ARHGAP42: variants seen among roughly 807,000 people sequenced by gnomAD.
The protein encoded by ARHGAP42 is Rho GTPase activating protein 42.
A neutral mutation model predicts 125.0 loss-of-function variants in ARHGAP42; 63 were observed. The observed-to-expected ratio is 0.50, with a 90% CI of 0.41 to 0.62. The LOEUF (loss-of-function observed/expected upper bound fraction) is 0.62, where lower values mean the gene tolerates loss of function less well. Among genes scored for constraint, ARHGAP42 ranks in the 20% least tolerant of loss-of-function variants. The probability of loss-of-function intolerance (pLI) is 0.00; values close to 1 mark genes in which losing one functional copy is unlikely to be tolerated. For missense variants in ARHGAP42, 766 were observed against 1,024.2 expected, an observed-to-expected ratio of 0.75 and a Z score of 3.44; for synonymous variants, 339 against 351.0, an observed-to-expected ratio of 0.97 and a Z score of 0.38.
At chr11:100,882,499 A>ATT (rs34517485) in intron 4 of ARHGAP42, among the ~76,000 whole-genome samples, 256 of 141,720 alleles carry the variant, frequency 1.8e-3, no homozygotes, top group African/African-American at 6.2e-3. Context: ...GTTAGCCAGT[A>ATT]TTTTTTTTTT....
chr11:100,873,467 G>A (rs7939833), intron 4 of ARHGAP42, among the ~76,000 whole-genome samples: 16,044 of 152,032 alleles, frequency 0.11, 868 homozygotes, highest in African/African-American at 0.12. Context: ...TATAACCCAC[G>A]GTATGAGTAA....
At chr11:100,878,602 A>AAT (rs1259320616) in intron 4 of ARHGAP42, among the ~76,000 whole-genome samples, 1 of 152,184 alleles carries the variant, frequency 6.6e-6, no homozygotes, top group African/African-American at 2.4e-5. Flanking sequence ...CTTAAACTAA[A>AAT]ATACCACATT....
intron 11 of ARHGAP42, 84 bp from the exon 12 acceptor site, chr11:100,949,833 T>C: frequency 2.4e-6 from 2 of 838,524 alleles, no homozygotes; most frequent in Non-Finnish European, 3.5e-6. Context: ...TCTTTTCATC[T>C]ATTAGTGTAC....
At chr11:100,955,392 G>A (rs1361682364) in intron 12 of ARHGAP42, among the ~76,000 whole-genome samples, 1 of 152,030 alleles carries the variant, frequency 6.6e-6, no homozygotes, top group Non-Finnish European at 1.5e-5. Context: ...GTTGTATTCT[G>A]GGTATCCCTC....
chr11:100,824,122 T>G (rs866095708), intron 3 of ARHGAP42, among the ~76,000 whole-genome samples: 23 of 152,288 alleles, frequency 1.5e-4, no homozygotes, highest in South Asian at 1.0e-3. Context: ...TATATCTGAA[T>G]GCACTTGCAT....
chr11:100,708,926 A>G (rs946913702), intron 1 of ARHGAP42, among the ~76,000 whole-genome samples: 6 of 152,226 alleles, frequency 3.9e-5, no homozygotes, highest in African/African-American at 1.4e-4. Flanking sequence ...TAGAACAGTT[A>G]TAACAATGTA....
Position 100,949,902 on chromosome 11 carries a change from TCC to T in ARHGAP42, c.1123-14_1123-13del. 6.9e-7 allele frequency: 1 copy of T among 1,447,668 alleles called. No homozygotes were observed. Among genetic ancestry groups the T allele is most frequent in the Non-Finnish European group, 9.4e-7 (1 of 1,068,638 alleles). The allele number at this position is 1,447,668 out of a possible 1,614,324, so 89.7% of individuals were successfully genotyped here. On this transcript the variant is annotated splice_polypyrimidine_tract_variant and intron_variant, in intron 11 of 23. Coordinates refer to ENST00000298815, the MANE Select transcript of ARHGAP42 (RefSeq NM_152432.4). Reference sequence around the variant, plus strand: ...ATTAACTGGAAGTAACTAATGGACATCCTTTGTTTTTTAGATTTATACTCTGC... The same window carrying T: ...ATTAACTGGAAGTAACTAATGGACATTTTGTTTTTTAGATTTATACTCTGC...
chr11:100,724,447 T>G (rs906865106), intron 1 of ARHGAP42, among the ~76,000 whole-genome samples: 2 of 152,150 alleles, frequency 1.3e-5, no homozygotes, highest in Non-Finnish European at 2.9e-5. Context: ...TGTATGCACC[T>G]AGTGCTTTCT....
Position 100,990,137 on chromosome 11 carries a change from A to G in ARHGAP42, c.*1336A>G, listed in dbSNP as rs1858794663. The G allele has an allele frequency of 6.6e-6, 1 of 152,160 alleles. No individual in the cohort carries two copies. The highest frequency in any genetic ancestry group is 1.5e-5 in the Non-Finnish European group (1 of 68,040). 9.4% of individuals were successfully genotyped at this position (152,160 alleles called of 1,614,324 possible). A position where few individuals can be genotyped will look rare whatever the true frequency, so the allele number is the denominator to read the frequency against. ...AATAATTCTAATATATTATTTCTAT[A>G]AATGTAATATCTGTATGTGGCAAAG... On this transcript the variant is annotated 3_prime_UTR_variant, in exon 24 of 24. Coordinates refer to ENST00000298815, the MANE Select transcript of ARHGAP42 (RefSeq NM_152432.4).
intron 3 of ARHGAP42, among the ~76,000 whole-genome samples, chr11:100,809,559 T>G (rs543345172): frequency 6.6e-6 from 1 of 152,340 alleles, no homozygotes; most frequent in East Asian, 1.9e-4. Flanking sequence ...ACTCAAACAT[T>G]AGAAACATTT....
At chr11:100,873,602 T>G in intron 4 of ARHGAP42, among the ~76,000 whole-genome samples, 1 of 152,224 alleles carries the variant, frequency 6.6e-6, no homozygotes, top group South Asian at 2.1e-4. Context: ...TCCAGTTTTT[T>G]GTTTAATAAT....
intron 5 of ARHGAP42, among the ~76,000 whole-genome samples, chr11:100,915,855 C>T (rs1212891947): frequency 6.6e-6 from 1 of 152,106 alleles, no homozygotes; most frequent in African/African-American, 2.4e-5. Flanking sequence ...AGCTTGGGTT[C>T]CCCCCTCCCT....
At chr11:100,937,602 G>T (rs1198632294) in intron 8 of ARHGAP42, among the ~76,000 whole-genome samples, 5 of 152,130 alleles carry the variant, frequency 3.3e-5, no homozygotes, top group Non-Finnish European at 7.3e-5. Context: ...AGTGAGGGCA[G>T]TAAACGTGAA....
At chr11:100,700,319 A>G (rs536231559) in intron 1 of ARHGAP42, among the ~76,000 whole-genome samples, 1 of 152,292 alleles carries the variant, frequency 6.6e-6, no homozygotes, top group East Asian at 1.9e-4. Flanking sequence ...GTTCATGGCT[A>G]CTGACTGATC....
At chr11:100,725,237 C>A (rs1050070942) in intron 1 of ARHGAP42, among the ~76,000 whole-genome samples, 3 of 150,614 alleles carry the variant, frequency 2.0e-5, no homozygotes, top group Non-Finnish European at 4.4e-5. Flanking sequence ...GCGGTGTGAT[C>A]TAAGCTCACT....
At chr11:100,840,113 A>G (rs1864911635) in intron 3 of ARHGAP42, among the ~76,000 whole-genome samples, 1 of 152,186 alleles carries the variant, frequency 6.6e-6, no homozygotes, top group Non-Finnish European at 1.5e-5. Context: ...AAAAGGAAAG[A>G]ACTCTTGAAA....
intron 3 of ARHGAP42, among the ~76,000 whole-genome samples, chr11:100,797,649 A>G (rs1303984217): frequency 2.6e-5 from 4 of 152,166 alleles, no homozygotes; most frequent in Non-Finnish European, 5.9e-5. Context: ...CTCATTGACA[A>G]TATACCTGGT....
intron 1 of ARHGAP42, among the ~76,000 whole-genome samples, chr11:100,735,972 AG>A (rs1862059846): frequency 6.6e-6 from 1 of 152,132 alleles, no homozygotes; most frequent in African/African-American, 2.4e-5. Flanking sequence ...TTGTTTACCT[AG>A]GTAATGTAGT....
chr11:100,965,859 T>G (rs1858077167), intron 17 of ARHGAP42, 83 bp downstream of exon 17: 2 of 1,195,354 alleles, frequency 1.7e-6, no homozygotes, highest in Non-Finnish European at 2.4e-6. Flanking sequence ...TGTGATGATG[T>G]TATAACATTG....
Sources: allele counts gnomAD v4.1 joint callset (sites outside exome capture counted in the v4.1 genomes callset), GRCh38; gene constraint gnomAD v4.1.1; transcripts MANE v1.5; gene names NCBI Gene and HGNC (gene_info 2026-07-23, HGNC 2026-07-21).